WNK1: variants seen among roughly 807,000 people sequenced by gnomAD.
WNK1 encodes serine/threonine-protein kinase WNK1.
In WNK1, 38 loss-of-function variants were observed where a neutral mutation model predicts 222.8. That is an observed-to-expected ratio of 0.17 (90% CI 0.13 to 0.22). The LOEUF is 0.22. WNK1 is among the 10% of genes least tolerant of loss of function. WNK1 has a pLI of 1.00. For missense variants in WNK1, 2,348 were observed against 2,918.4 expected (o/e 0.80, Z 4.50); for synonymous variants, 1,090 against 1,092.9 (o/e 1.00, Z 0.05).
chr12:832,269 G>A (rs568753022), intron 4 of WNK1, among the ~76,000 whole-genome samples: 46 of 152,122 alleles, frequency 3.0e-4, no homozygotes, highest in Admixed American at 2.1e-3. Flanking sequence ...TAGAGATGGG[G>A]TTTCACTGTG....
At chr12:895,801 A>G (rs1427938895) in intron 23 of WNK1, among the ~76,000 whole-genome samples, 1 of 152,146 alleles carries the variant, frequency 6.6e-6, no homozygotes, top group Non-Finnish European at 1.5e-5. Flanking sequence ...CATAAATCTG[A>G]ATTCTGTGTA....
At chr12:880,575 T>C (rs1953053280) in intron 11 of WNK1, 146 bp from the exon 12 acceptor site, 3 of 899,444 alleles carry the variant, frequency 3.3e-6, no homozygotes, top group African/African-American at 3.3e-5. Context: ...ATGTGGTCTT[T>C]ATATGCCCTT....
intron 1 of WNK1, among the ~76,000 whole-genome samples, chr12:781,847 C>G (rs1591669866): frequency 6.6e-6 from 1 of 151,920 alleles, no homozygotes; most frequent in East Asian, 1.9e-4. Context: ...ATTAAAATTC[C>G]CAGTCTTCTC....
rs1944469427 is a variant in WNK1, at chr12:787,928, T to C, written c.760-25714T>C. 2.0e-5 allele frequency among the ~76,000 whole-genome samples: 3 copies of C among 152,288 alleles called. No individual in the cohort carries two copies. The South Asian group carries it at 6.2e-4, about 32-fold the overall frequency. On this transcript the variant is annotated intron_variant, in intron 1 of 27. Transcript: ENST00000315939. The stretch of plus-strand genomic sequence containing the variant: ...ATTAGGAGATTTTGTATATAACAGA[T>C]AGATATTATATGTAATTTCAAGGAA...
At chr12:907,472 TC>T in intron 26 of WNK1, among the ~76,000 whole-genome samples, 1 of 152,302 alleles carries the variant, frequency 6.6e-6, no homozygotes, top group African/African-American at 2.4e-5. Flanking sequence ...TCTGCAAAAT[TC>T]CAGAGCAACT....
intron 8 of WNK1, among the ~76,000 whole-genome samples, chr12:867,073 A>G (rs547357194): frequency 9.2e-5 from 14 of 152,330 alleles, no homozygotes; most frequent in Non-Finnish European, 1.8e-4. Context: ...CAGTAAGCCA[A>G]GATTGTCACT....
chr12:856,793 T>C (rs1950830611), intron 4 of WNK1, among the ~76,000 whole-genome samples: 1 of 152,212 alleles, frequency 6.6e-6, no homozygotes, highest in Admixed American at 6.5e-5. Context: ...TTAAATGCTG[T>C]ATTGATTTAT....
At chr12:864,363 G>A (rs903598194) in intron 8 of WNK1, among the ~76,000 whole-genome samples, 31 of 151,910 alleles carry the variant, frequency 2.0e-4, no homozygotes, top group African/African-American at 7.5e-4. Context: ...CACCTGCCTC[G>A]GCCTCCCAAA....
In WNK1 at chr12:911,009, C is replaced by A. The variant is rs1956042849; in HGVS notation, c.*2217C>A. ...CTTTATACCAGAGGAGCAGTGGAGC[C>A]TCATGCAGCACATTATCATTTGTTA... is the stretch of plus-strand genomic sequence containing the variant. On this transcript the variant is annotated 3_prime_UTR_variant, in exon 28 of 28. Coordinates refer to ENST00000315939, the MANE Select transcript of WNK1 (RefSeq NM_018979.4). 1 of 283,772 alleles carries A rather than the reference C, an allele frequency of 3.5e-6. No homozygotes were observed. The highest frequency in any genetic ancestry group is 5.9e-5 in the East Asian group (1 of 16,958). The allele number at this position is 283,772 out of a possible 1,614,324, so 17.6% of individuals were successfully genotyped here.
At chr12:875,785 G>A (rs1410046733) in intron 9 of WNK1, among the ~76,000 whole-genome samples, 1 of 152,194 alleles carries the variant, frequency 6.6e-6, no homozygotes, top group East Asian at 1.9e-4. Context: ...AGATGCTGGT[G>A]TCTTTACCTA....
chr12:820,075 A>G (rs1376985707), intron 2 of WNK1, among the ~76,000 whole-genome samples: 2 of 152,084 alleles, frequency 1.3e-5, no homozygotes, highest in South Asian at 4.1e-4. Context: ...GAATTTGAGG[A>G]TTAGATTTCC....
At chr12:798,532 A>G (rs894449893) in intron 1 of WNK1, among the ~76,000 whole-genome samples, 1 of 152,084 alleles carries the variant, frequency 6.6e-6, no homozygotes, top group African/African-American at 2.4e-5. Flanking sequence ...CCCATCCAGT[A>G]TATCGAGTCT....
chr12:904,206 A>T (rs983486767), intron 26 of WNK1, among the ~76,000 whole-genome samples: 2 of 152,230 alleles, frequency 1.3e-5, no homozygotes, highest in African/African-American at 4.8e-5. Context: ...TTAGATACAA[A>T]GATTGGGTGT....
intron 5 of WNK1, 79 bp from the exon 6 acceptor site, chr12:859,166 A>T (rs1369959989): frequency 8.0e-7 from 1 of 1,242,468 alleles, no homozygotes. Flanking sequence ...AATAACAATA[A>T]TTGGCCACAT....
chr12:754,167 A>C lies in WNK1; in HGVS notation c.602A>C (p.Gln201Pro). ...CCACAGGAGGAACGGAGCCAGCAGC[A>C]GGATGATATCGAAGAGCTGGAGACC... is the stretch of plus-strand genomic sequence containing the variant. ...KEPQEERSQQ[Q>P]DDIEELETKA... Residue 201 changes from glutamine to proline, a missense_variant, in exon 1 of 28, where the codon CAG (glutamine) becomes CCG (proline). Gln to Pro is a moderately conservative substitution (Grantham distance 76). Around this residue, in one of 13 missense-constraint regions of WNK1, gnomAD observed 185 missense variants for 159.2 expected, o/e 1.16. Transcript: ENST00000315939. The C allele has an allele frequency of 6.2e-7, 1 of 1,613,390 alleles. No homozygotes were observed.
chr12:903,896 G>A (rs1955478871), intron 26 of WNK1, among the ~76,000 whole-genome samples: 1 of 152,156 alleles, frequency 6.6e-6, no homozygotes, highest in Admixed American at 6.5e-5. Flanking sequence ...GAGGTTGCTT[G>A]TTTTCCACGT....
chr12:769,976 CT>C (rs991651102), intron 1 of WNK1, among the ~76,000 whole-genome samples: 318 of 142,324 alleles, frequency 2.2e-3, no homozygotes, highest in Middle Eastern at 7.2e-3. Flanking sequence ...GCATAAGTTT[CT>C]TTTTTTTTTT....
chr12:847,122 G>A (rs1227725183), intron 4 of WNK1, among the ~76,000 whole-genome samples: 2 of 152,002 alleles, frequency 1.3e-5, no homozygotes, highest in African/African-American at 2.4e-5. Context: ...AGTGTTTTAG[G>A]TACTAAATAA....
In WNK1 at chr12:834,461, G is replaced by A. The variant is rs140992818; in HGVS notation, c.1311+4301G>A. 6.6e-5 allele frequency among the ~76,000 whole-genome samples: 10 copies of A among 152,258 alleles called. No homozygotes were observed. In the East Asian group the frequency reaches 1.9e-3, roughly 29 times the overall value. On this transcript the variant is annotated intron_variant, in intron 4 of 27. Transcript: ENST00000315939. Reference sequence around the variant, plus strand: ...GAGAGAAGTAGAAATCATGGTGGGTGGTGGTGGATAGGGTAGAGTAATATC... The same window carrying A: ...GAGAGAAGTAGAAATCATGGTGGGTAGTGGTGGATAGGGTAGAGTAATATC...
Sources: gnomAD v4.1 joint callset for allele counts (sites outside exome capture counted in the v4.1 genomes callset) on GRCh38, gnomAD v4.1.1 for gene constraint, gnomAD v4.1.1 regional missense constraint, MANE v1.5 for transcripts, NCBI Gene and HGNC (gene_info 2026-07-23, HGNC 2026-07-21) for gene names.